Variants in KCND3 observed in about 807,000 individuals in gnomAD.
The protein encoded by KCND3 is A-type voltage-gated potassium channel KCND3.
Under a neutral mutation model 51.1 loss-of-function variants are expected in KCND3, and 9 were observed. That is an observed-to-expected ratio of 0.18 (90% CI 0.11 to 0.31). The LOEUF is 0.31. Ranked by LOEUF, KCND3 falls within the 10% of genes least tolerant of loss-of-function variation. The probability of loss-of-function intolerance (pLI) is 1.00; values close to 1 mark genes in which losing one functional copy is unlikely to be tolerated. For missense variants in KCND3, 526 were observed against 903.8 expected (o/e 0.58, Z 5.36); for synonymous variants, 349 against 368.0 (o/e 0.95, Z 0.59).
At chr1:111,909,428 G>C (rs1242581151) in intron 2 of KCND3, 1 of 152,194 alleles carries the variant, frequency 6.6e-6, no homozygotes, top group Non-Finnish European at 1.5e-5. Context: ...GGGACATTTT[G>C]TCCATGTGAA....
At chr1:111,873,322 G>A (rs148828541) in intron 2 of KCND3, among the ~76,000 whole-genome samples, 33 of 152,310 alleles carry the variant, frequency 2.2e-4, no homozygotes, top group African/African-American at 7.0e-4. Flanking sequence ...CAGGACAAAC[G>A]TGGCACCAGC....
chr1:111,815,016 C>T (rs375240251), intron 2 of KCND3, among the ~76,000 whole-genome samples: 3 of 152,226 alleles, frequency 2.0e-5, no homozygotes, highest in East Asian at 1.9e-4. Flanking sequence ...AGCAATGGGC[C>T]CTTGCTCTGT....
At chr1:111,866,263 C>CTT (rs11399761) in intron 2 of KCND3, among the ~76,000 whole-genome samples, 1,284 of 54,088 alleles carry the variant, frequency 0.024, 50 homozygotes, top group African/African-American at 0.038. Context: ...CTTTTCTTTT[C>CTT]TTTTTTTTTT....
chr1:111,791,573 CT>C (rs1309043256), intron 2 of KCND3, among the ~76,000 whole-genome samples: 3 of 152,260 alleles, frequency 2.0e-5, no homozygotes, highest in Non-Finnish European at 2.9e-5. Context: ...TCCTTTGACT[CT>C]GCTCACTAAC....
intron 2 of KCND3, among the ~76,000 whole-genome samples, chr1:111,911,783 C>G (rs59015726): frequency 0.093 from 14,189 of 152,226 alleles, 1,018 homozygotes; most frequent in East Asian, 0.4. Context: ...GAAAGTCATA[C>G]AAAATATATG....
intron 2 of KCND3, among the ~76,000 whole-genome samples, chr1:111,894,613 T>C (rs10776736): frequency 0.19 from 28,905 of 152,196 alleles, 3,183 homozygotes; most frequent in East Asian, 0.46. Flanking sequence ...GAATGAAGGA[T>C]GGCAGGCGTG....
At chr1:111,784,494 C>A (rs1232298597) in intron 3 of KCND3, among the ~76,000 whole-genome samples, 4 of 152,204 alleles carry the variant, frequency 2.6e-5, no homozygotes, top group African/African-American at 9.7e-5. Flanking sequence ...TAGTAATAGA[C>A]TAATCTTAGT....
At chr1:111,891,444 A>G (rs190733637) in intron 2 of KCND3, among the ~76,000 whole-genome samples, 12 of 152,342 alleles carry the variant, frequency 7.9e-5, no homozygotes, top group African/African-American at 2.9e-4. Context: ...TCAAGGATGC[A>G]GAAGGCTTGC....
chr1:111,902,305 G>A (rs373167956), intron 2 of KCND3, among the ~76,000 whole-genome samples: 84 of 152,294 alleles, frequency 5.5e-4, no homozygotes, highest in Non-Finnish European at 8.1e-4. Flanking sequence ...AGGAGGACGT[G>A]ACTTAACAAC....
At chr1:111,822,458 C>T (rs1356501549) in intron 2 of KCND3, among the ~76,000 whole-genome samples, 1 of 152,196 alleles carries the variant, frequency 6.6e-6, no homozygotes, top group Non-Finnish European at 1.5e-5. Flanking sequence ...TAGACTCATA[C>T]AGTATTTGTC....
chr1:111,781,601 C>T (rs1469647421), intron 3 of KCND3, among the ~76,000 whole-genome samples: 4 of 152,080 alleles, frequency 2.6e-5, no homozygotes, highest in African/African-American at 9.7e-5. Flanking sequence ...CTCACTGCAA[C>T]CTCTGCCTCC....
intron 2 of KCND3, among the ~76,000 whole-genome samples, chr1:111,962,863 C>T (rs1673739645): frequency 6.6e-6 from 1 of 152,162 alleles, no homozygotes; most frequent in Non-Finnish European, 1.5e-5. Context: ...TTCCTTTGGC[C>T]ATTGGGACAT....
intron 2 of KCND3, among the ~76,000 whole-genome samples, chr1:111,863,398 G>T (rs1245560980): frequency 2.6e-5 from 4 of 152,108 alleles, no homozygotes; most frequent in Admixed American, 6.6e-5. Context: ...CTTTAAGGTG[G>T]GGTTGCAAAG....
At chr1:111,959,992 C>T (rs939711454) in intron 2 of KCND3, among the ~76,000 whole-genome samples, 2 of 151,906 alleles carry the variant, frequency 1.3e-5, no homozygotes, top group African/African-American at 4.8e-5. Context: ...GGGGCTTCCC[C>T]CTTTGCTCAG....
In KCND3 at chr1:111,843,171, T is replaced by A. The variant is rs189401532; in HGVS notation, c.1107-56065A>T. On this transcript the variant is annotated intron_variant, in intron 2 of 7. Transcript: ENST00000302127. Reference sequence around the variant, plus strand: ...TGCTAGCTGGGTTCTGTGGAGTGGATGAGAGAATCAGAACAGTCTCCGGAG... The same window carrying A: ...TGCTAGCTGGGTTCTGTGGAGTGGAAGAGAGAATCAGAACAGTCTCCGGAG... Among the ~76,000 whole-genome samples, 180 of 152,174 alleles carry A rather than the reference T, an allele frequency of 1.2e-3. 1 individual carries two copies. Among genetic ancestry groups the A allele is most frequent in the Non-Finnish European group, 9.0e-4 (61 of 67,990 alleles).
At chr1:111,921,948 G>A (rs1470198041) in intron 2 of KCND3, among the ~76,000 whole-genome samples, 1 of 152,158 alleles carries the variant, frequency 6.6e-6, no homozygotes, top group Non-Finnish European at 1.5e-5. Flanking sequence ...CAGTGGTAGG[G>A]ATAACAAGAA....
chr1:111,887,804 A>G (rs1354386937), intron 2 of KCND3, among the ~76,000 whole-genome samples: 4 of 152,228 alleles, frequency 2.6e-5, no homozygotes, highest in Non-Finnish European at 5.9e-5. Flanking sequence ...ATTCATGCTC[A>G]GTGGGAAGGA....
chr1:111,896,349 G>A (rs188624543), intron 2 of KCND3, among the ~76,000 whole-genome samples: 1 of 152,324 alleles, frequency 6.6e-6, no homozygotes, highest in African/African-American at 2.4e-5. Flanking sequence ...ATCTCAGCTC[G>A]CTGTCATTAC....
chr1:111,782,317 G>A (rs977914321), intron 3 of KCND3, among the ~76,000 whole-genome samples: 5 of 152,186 alleles, frequency 3.3e-5, no homozygotes, highest in African/African-American at 1.2e-4. Flanking sequence ...GCTTCTAAAT[G>A]TGGGGAAGGG....
Sources: gnomAD v4.1 joint callset for allele counts (sites outside exome capture counted in the v4.1 genomes callset) on GRCh38, gnomAD v4.1.1 for gene constraint, MANE v1.5 for transcripts, NCBI Gene and HGNC (gene_info 2026-07-23, HGNC 2026-07-21) for gene names.